Variants in DNER observed in about 807,000 individuals in gnomAD.
DNER encodes delta/notch like EGF repeat containing, also known as delta and Notch-like epidermal growth factor-related receptor.
A neutral mutation model predicts 78.2 loss-of-function variants in DNER; 33 were observed. The observed-to-expected ratio is 0.42, with a 90% CI of 0.32 to 0.56. The LOEUF (loss-of-function observed/expected upper bound fraction) is 0.56, where lower values mean the gene tolerates loss of function less well. Ranked by LOEUF, DNER falls within the 20% of genes least tolerant of loss-of-function variation. The pLI, the probability that DNER is intolerant of heterozygous loss-of-function variation, is 0.11. For missense variants in DNER, 918 were observed against 975.3 expected, an observed-to-expected ratio of 0.94 and a Z score of 0.78; for synonymous variants, 417 against 384.8, an observed-to-expected ratio of 1.08 and a Z score of -0.98.
chr2:229,403,446 A>G (rs980578565), intron 10 of DNER, among the ~76,000 whole-genome samples: 1 of 152,222 alleles, frequency 6.6e-6, no homozygotes, highest in Admixed American at 6.5e-5. Context: ...CGTGGGATGT[A>G]TCATGTCCCA....
chr2:229,573,608 A>G (rs1245742838), intron 4 of DNER, among the ~76,000 whole-genome samples: 2 of 152,216 alleles, frequency 1.3e-5, no homozygotes, highest in Non-Finnish European at 2.9e-5. Flanking sequence ...TAAAAAGTCT[A>G]TGATAAAAGG....
At chr2:229,684,126 G>T (rs1699435764) in intron 1 of DNER, among the ~76,000 whole-genome samples, 1 of 145,132 alleles carries the variant, frequency 6.9e-6, no homozygotes, top group African/African-American at 2.6e-5. Context: ...GTGTGTGTTT[G>T]TGTGTGTGTC....
chr2:229,415,299 G>C (rs1465410521), intron 9 of DNER, among the ~76,000 whole-genome samples: 1 of 152,126 alleles, frequency 6.6e-6, no homozygotes, highest in Non-Finnish European at 1.5e-5. Context: ...AATAACCTAA[G>C]GGGACTTGGA....
At chr2:229,454,492 C>T (rs1244884017) in intron 7 of DNER, among the ~76,000 whole-genome samples, 2 of 151,946 alleles carry the variant, frequency 1.3e-5, no homozygotes, top group Non-Finnish European at 2.9e-5. Flanking sequence ...TAAAATTTTG[C>T]TTTTTCTTAT....
chr2:229,644,352 T>C (rs1698676534), intron 1 of DNER, among the ~76,000 whole-genome samples: 1 of 116,490 alleles, frequency 8.6e-6, no homozygotes, highest in South Asian at 3.0e-4. Flanking sequence ...TTTTTTTTTT[T>C]TTTTTTTTTG....
At chr2:229,580,325 C>T (rs1372750626) in intron 4 of DNER, 1 of 152,124 alleles carries the variant, frequency 6.6e-6, no homozygotes, top group Non-Finnish European at 1.5e-5. Flanking sequence ...ACCATTCACC[C>T]CTTTGAAGTT....
chr2:229,482,818 G>A (rs935158648), intron 6 of DNER, among the ~76,000 whole-genome samples: 1 of 152,052 alleles, frequency 6.6e-6, no homozygotes. Flanking sequence ...AAGACAGGAG[G>A]GTTTAGAAAT....
intron 6 of DNER, among the ~76,000 whole-genome samples, chr2:229,507,054 T>C (rs6436872): frequency 0.13 from 19,884 of 152,170 alleles, 2,456 homozygotes; most frequent in African/African-American, 0.32. Flanking sequence ...CATGTTATTG[T>C]ACTGAATACT....
chr2:229,589,502 A>C (rs948245557), intron 2 of DNER, among the ~76,000 whole-genome samples: 1 of 152,208 alleles, frequency 6.6e-6, no homozygotes, highest in African/African-American at 2.4e-5. Context: ...GGATAATAAT[A>C]TGCCTCCTGG....
intron 4 of DNER, among the ~76,000 whole-genome samples, chr2:229,569,550 G>A (rs192658130): frequency 2.3e-4 from 35 of 152,030 alleles, no homozygotes; most frequent in African/African-American, 8.0e-4. Context: ...AATTTTTTAA[G>A]TTCTCTATAT....
intron 8 of DNER, among the ~76,000 whole-genome samples, chr2:229,420,725 G>A (rs796900296): frequency 5.3e-5 from 8 of 152,216 alleles, no homozygotes; most frequent in African/African-American, 1.4e-4. Context: ...CATTAGGATG[G>A]CCATTATAAA....
chr2:229,407,369 G>A lies in DNER; in HGVS notation c.1610-24C>T, dbSNP rs368841641. 29 of 1,603,782 alleles carry A rather than the reference G, an allele frequency of 1.8e-5. No homozygotes were observed. The African/African-American group carries it at 3.6e-4, about 20-fold the overall frequency. The stretch of plus-strand genomic sequence containing the variant: ...TCCTGCAGAGAAACAAGCAAAACAG[G>A]ATGACTCATCCAGGACTCTCTGGCT... On this transcript the variant is annotated intron_variant, in intron 9 of 12. Coordinates refer to ENST00000341772, the MANE Select transcript of DNER (RefSeq NM_139072.4).
At position 229,410,082 on chromosome 2, in the gene DNER, T is replaced by C. The variant is rs562385098; in HGVS notation, c.1610-2737A>G. Among the ~76,000 whole-genome samples the C allele has an allele frequency of 3.9e-5, 6 of 152,226 alleles. No homozygotes were observed. In the South Asian group the frequency reaches 1.2e-3, roughly 32 times the overall value. ...AACATCAAGTCTTGGGCATCCTGTTTCCTCTGAGGAGTCACCTTCTTTCAC... is the reference window on the plus strand; with the variant it reads ...AACATCAAGTCTTGGGCATCCTGTTCCCTCTGAGGAGTCACCTTCTTTCAC... On this transcript the variant is annotated intron_variant, in intron 9 of 12. Coordinates refer to ENST00000341772, the MANE Select transcript of DNER (RefSeq NM_139072.4).
intron 8 of DNER, among the ~76,000 whole-genome samples, chr2:229,425,833 A>T (rs1399862802): frequency 6.6e-6 from 1 of 152,142 alleles, no homozygotes; most frequent in African/African-American, 2.4e-5. Context: ...TCAGGCAAAC[A>T]GGACCTTCGA....
chr2:229,592,549 C>T (rs1559176316), intron 1 of DNER, among the ~76,000 whole-genome samples: 1 of 151,862 alleles, frequency 6.6e-6, no homozygotes, highest in South Asian at 2.1e-4. Flanking sequence ...GAAATGTGAC[C>T]CCTTCCCTCG....
intron 1 of DNER, among the ~76,000 whole-genome samples, chr2:229,662,358 C>T (rs2154216594): frequency 6.6e-6 from 1 of 152,312 alleles, no homozygotes; most frequent in East Asian, 1.9e-4. Context: ...AAAAAGATAA[C>T]TCATCCCAAG....
chr2:229,380,997 G>A (rs1368583880), intron 11 of DNER, among the ~76,000 whole-genome samples: 1 of 152,082 alleles, frequency 6.6e-6, no homozygotes, highest in South Asian at 2.1e-4. Context: ...GGCCGAATAG[G>A]AACAGCTCTG....
chr2:229,605,729 A>AC (rs1275883807), intron 1 of DNER, among the ~76,000 whole-genome samples: 2 of 151,684 alleles, frequency 1.3e-5, no homozygotes, highest in African/African-American at 4.8e-5. Flanking sequence ...CTCTACAAAA[A>AC]AAAAATGCAA....
rs1285848579 is a variant in DNER, at chr2:229,470,217, T to A, written c.1261+6923A>T. Among the ~76,000 whole-genome samples, 4 of 152,194 alleles carry A rather than the reference T, an allele frequency of 2.6e-5. No homozygotes were observed. In the East Asian group the frequency reaches 5.8e-4, roughly 22 times the overall value. On this transcript the variant is annotated intron_variant, in intron 7 of 12. Transcript: ENST00000341772. ...AATTTATGTTTATCCCTTAGGTATATCCCATCTCTTTTTTAGAAGAAAACC... is the reference window on the plus strand; with the variant it reads ...AATTTATGTTTATCCCTTAGGTATAACCCATCTCTTTTTTAGAAGAAAACC...
Sources: allele counts gnomAD v4.1 joint callset (sites outside exome capture counted in the v4.1 genomes callset), GRCh38; gene constraint gnomAD v4.1.1; transcripts MANE v1.5; gene names NCBI Gene and HGNC (gene_info 2026-07-23, HGNC 2026-07-21).